Variants in CALHM4 observed in about 807,000 individuals in gnomAD.
CALHM4 encodes the protein calcium homeostasis modulator protein 4.
A neutral mutation model predicts 13.3 loss-of-function variants in CALHM4; 16 were observed. That is an observed-to-expected ratio of 1.20 (90% CI 0.81 to 1.82). CALHM4 has a LOEUF of 1.82. CALHM4 is among the 40% of genes most tolerant of loss of function. The probability of loss-of-function intolerance (pLI) is 0.00; values close to 1 mark genes in which losing one functional copy is unlikely to be tolerated. For synonymous variants in CALHM4, 127 were observed against 137.1 expected, an observed-to-expected ratio of 0.93 and a Z score of 0.52; for missense variants, 344 against 374.9, an observed-to-expected ratio of 0.92 and a Z score of 0.68.
intron 1 of CALHM4, among the ~76,000 whole-genome samples, chr6:116,555,139 G>A (rs1485759864): frequency 2.0e-5 from 3 of 152,142 alleles, no homozygotes; most frequent in Admixed American, 1.3e-4. Context: ...AAATGCTAAA[G>A]TTATTTCGTT....
chr6:116,543,272 C>T, intron 1 of CALHM4: 1 of 1,485,722 alleles, frequency 6.7e-7, no homozygotes, highest in Non-Finnish European at 9.1e-7. Context: ...AAACAACAGC[C>T]ATTCAATAAG....
chr6:116,552,277 C>A (rs947627640), upstream of CALHM4, among the ~76,000 whole-genome samples: 1 of 152,032 alleles, frequency 6.6e-6, no homozygotes, highest in Non-Finnish European at 1.5e-5. Context: ...CTGTTTTTTT[C>A]TTTCTGGTAG....
At chr6:116,530,902 CATATATATATATATATAT>C (rs10557481) in intron 1 of CALHM4, among the ~76,000 whole-genome samples, 73 of 76,486 alleles carry the variant, frequency 9.5e-4, no homozygotes, top group African/African-American at 3.0e-3. Flanking sequence ...AAGTGAGACT[CATATATATATATATATAT>C]ATATATATAT....
intron 1 of CALHM4, among the ~76,000 whole-genome samples, chr6:116,529,754 C>T (rs141367532): frequency 3.3e-4 from 50 of 152,234 alleles, no homozygotes; most frequent in African/African-American, 1.1e-3. Context: ...TCAGTCTCCA[C>T]AATATCAGTG....
intron 2 of CALHM4, chr6:116,545,494 T>G: frequency 6.5e-7 from 1 of 1,548,722 alleles, no homozygotes; most frequent in Non-Finnish European, 8.7e-7. Flanking sequence ...ATTCTGGTCT[T>G]CGGTGTGCAG....
intron 1 of CALHM4, among the ~76,000 whole-genome samples, chr6:116,531,581 C>G (rs1333389176): frequency 1.3e-5 from 2 of 152,078 alleles, no homozygotes; most frequent in African/African-American, 4.8e-5. Flanking sequence ...CAGAATATCT[C>G]TACAATAAAC....
intron 1 of CALHM4, among the ~76,000 whole-genome samples, chr6:116,535,703 A>G (rs1316149270): frequency 1.3e-5 from 2 of 152,244 alleles, no homozygotes; most frequent in African/African-American, 2.4e-5. Flanking sequence ...AAAATCAGCT[A>G]TGGTAATTCT....
chr6:116,542,221 T>C (rs1478420356), intron 1 of CALHM4, among the ~76,000 whole-genome samples: 5 of 152,150 alleles, frequency 3.3e-5, no homozygotes, highest in Non-Finnish European at 7.4e-5. Flanking sequence ...GCTAACAAAG[T>C]GACTGAAAAA....
chr6:116,547,067 A>T (rs1346858058), intron 2 of CALHM4, among the ~76,000 whole-genome samples: 1 of 152,224 alleles, frequency 6.6e-6, no homozygotes, highest in Non-Finnish European at 1.5e-5. Flanking sequence ...ATTCAAGGTT[A>T]TCTGGATGTT....
chr6:116,530,902 CATATATATATATATATATAT>C (rs10557481), intron 1 of CALHM4, among the ~76,000 whole-genome samples: 20 of 76,484 alleles, frequency 2.6e-4, no homozygotes, highest in East Asian at 1.1e-3. Context: ...AAGTGAGACT[CATATATATATATATATATAT>C]ATATATATAT....
At chr6:116,543,770 AG>A in exon 2 of CALHM4, 1 of 1,470,158 alleles carries the variant, frequency 6.8e-7, no homozygotes, top group Non-Finnish European at 9.1e-7. Flanking sequence ...TTCAGTTGGA[AG>A]CAAGAATTGG....
intron 1 of CALHM4, among the ~76,000 whole-genome samples, chr6:116,535,241 T>C (rs1037200886): frequency 6.6e-6 from 1 of 152,154 alleles, no homozygotes; most frequent in Non-Finnish European, 1.5e-5. Context: ...TTCTGACAAA[T>C]ATGGAAACCA....
intron 1 of CALHM4, among the ~76,000 whole-genome samples, chr6:116,534,870 G>A (rs1054573040): frequency 2.6e-5 from 4 of 152,026 alleles, no homozygotes; most frequent in African/African-American, 9.7e-5. Flanking sequence ...CTAAAAATCG[G>A]GGTTTCAAGT....
At position 116,559,028 on chromosome 6, in the gene CALHM4, C is replaced by T. The variant is rs116676830; in HGVS notation, c.*817C>T. On this transcript the variant is annotated 3_prime_UTR_variant, in exon 2 of 2. Transcript: ENST00000368596. ...GTACCTTTTCATTACCAAATTGCACCTTTGCACTCAAAATCCATTTGTGAA... is the reference window on the plus strand; with the variant it reads ...GTACCTTTTCATTACCAAATTGCACTTTTGCACTCAAAATCCATTTGTGAA... 4.1e-3 allele frequency among the ~76,000 whole-genome samples: 630 copies of T among 152,268 alleles called. 5 individuals are homozygous for T. Among genetic ancestry groups the T allele is most frequent in the African/African-American group, 0.014 (590 of 41,554 alleles).
At position 116,554,062 on chromosome 6, in the gene CALHM4, G is replaced by A. The variant is rs898078465; in HGVS notation, c.269G>A (p.Arg90Lys). The A allele has an allele frequency of 1.2e-5, 19 of 1,550,538 alleles. No individual in the cohort carries two copies. Among genetic ancestry groups the A allele is most frequent in the Middle Eastern group, 1.7e-4 (1 of 6,014 alleles). ...EYCCSCAPPY[R>K]RISPLECKLA... ...TGCTGCAGCTGTGCCCCTCCATACA[G>A]GAGAATCAGCCCCCTAGAGTGCAAG... is the stretch of plus-strand genomic sequence containing the variant. The change falls in exon 1 of 2, where the codon AGG becomes AAG. Residue 90 changes from arginine (R) to lysine (K), a missense_variant. Physicochemically the swap from Arg to Lys is conservative, Grantham distance 26 (BLOSUM62 2). Coordinates refer to ENST00000368596, the MANE Select transcript of CALHM4 (RefSeq NM_001366078.2).
chr6:116,548,591 G>A (rs1773911768), intron 2 of CALHM4, among the ~76,000 whole-genome samples: 1 of 152,132 alleles, frequency 6.6e-6, no homozygotes, highest in Admixed American at 6.5e-5. Context: ...ATACTTCCCT[G>A]AAAGAATGGT....
chr6:116,543,916 A>G (rs1773612468), intron 2 of CALHM4: 2 of 1,401,042 alleles, frequency 1.4e-6, no homozygotes, highest in Non-Finnish European at 1.9e-6. Context: ...GGGGAATGTG[A>G]TATTTCCTTA....
chr6:116,538,310 C>T (rs560959570), intron 1 of CALHM4, among the ~76,000 whole-genome samples: 12 of 152,292 alleles, frequency 7.9e-5, no homozygotes, highest in Non-Finnish European at 1.5e-4. Context: ...AGGGCATTTA[C>T]GGTATTGAGC....
chr6:116,545,577 G>GT, intron 2 of CALHM4: 1 of 1,431,988 alleles, frequency 7.0e-7, no homozygotes, highest in Non-Finnish European at 9.6e-7. Context: ...TCTTAGAGGT[G>GT]TATCAGTCCA....
Sources: gnomAD v4.1 joint callset for allele counts (sites outside exome capture counted in the v4.1 genomes callset) on GRCh38, gnomAD v4.1.1 for gene constraint, MANE v1.5 for transcripts, NCBI Gene and HGNC (gene_info 2026-07-23, HGNC 2026-07-21) for gene names.